The following BTBD10 variants were observed in gnomAD, a reference collection of about 807,000 sequenced individuals.
BTBD10 encodes BTB domain containing 10, also known as BTB/POZ domain-containing protein 10.
A neutral mutation model predicts 53.2 loss-of-function variants in BTBD10; 21 were observed. The observed-to-expected ratio is 0.39, with a 90% CI of 0.28 to 0.57. The LOEUF (loss-of-function observed/expected upper bound fraction) is 0.57. BTBD10 is among the 20% of genes least tolerant of loss of function. The pLI, the probability that BTBD10 is intolerant of heterozygous loss-of-function variation, is 0.53. For synonymous variants in BTBD10, 149 were observed against 192.7 expected (o/e 0.77, Z 1.88); for missense variants, 360 against 594.7 (o/e 0.61, Z 4.10).
intron 1 of BTBD10, among the ~76,000 whole-genome samples, chr11:13,455,453 G>A (rs911626880): frequency 6.6e-6 from 1 of 152,084 alleles, no homozygotes; most frequent in African/African-American, 2.4e-5. Context: ...CTCAATAAAT[G>A]TTTGAAAATC....
intron 5 of BTBD10, among the ~76,000 whole-genome samples, chr11:13,414,572 T>C (rs957490798): frequency 6.6e-6 from 1 of 151,722 alleles, no homozygotes; most frequent in East Asian, 1.9e-4. Flanking sequence ...GAGAATGGCA[T>C]GAACCTGGGA....
Position 13,435,446 on chromosome 11 carries a change from C to T in BTBD10, c.101+9578G>A, listed in dbSNP as rs12283778. On this transcript the variant is annotated intron_variant, in intron 2 of 8. Coordinates refer to ENST00000278174, the MANE Select transcript of BTBD10 (RefSeq NM_032320.7). Reference sequence around the variant, plus strand: ...AAAGATATGAAGTACAAATACAAGACTCAGTTTTTAAAATATTTATCAAAT... The same window carrying T: ...AAAGATATGAAGTACAAATACAAGATTCAGTTTTTAAAATATTTATCAAAT... 6.2e-4 allele frequency among the ~76,000 whole-genome samples: 94 copies of T among 152,194 alleles called. 3 individuals carry two copies. Among genetic ancestry groups the T allele is most frequent in the African/African-American group, 2.2e-3 (90 of 41,522 alleles).
chr11:13,388,576 C>T lies in BTBD10; in HGVS notation c.*255G>A. On this transcript the variant is annotated 3_prime_UTR_variant, in exon 9 of 9. Transcript: ENST00000278174. Reference sequence around the variant, plus strand: ...AGCTGTGTGAAAAAGGACCATCCCCCATACAAAGAACCAATTTCACAAACC... The same window carrying T: ...AGCTGTGTGAAAAAGGACCATCCCCTATACAAAGAACCAATTTCACAAACC... The T allele has an allele frequency of 5.1e-6, 2 of 394,804 alleles. No individual in the cohort carries two copies. Among genetic ancestry groups the T allele is most frequent in the Non-Finnish European group, 9.2e-6 (2 of 217,828 alleles). The allele number at this position is 394,804 out of a possible 1,614,324, so 24.5% of individuals were successfully genotyped here. A position where few individuals can be genotyped will look rare whatever the true frequency, so the allele number is the denominator to read the frequency against.
chr11:13,413,972 T>C (rs1247608949), intron 5 of BTBD10, among the ~76,000 whole-genome samples: 1 of 152,226 alleles, frequency 6.6e-6, no homozygotes, highest in Non-Finnish European at 1.5e-5. Context: ...CATATGTATT[T>C]TCCTTCTACA....
At chr11:13,437,797 C>T (rs1413362552) in intron 2 of BTBD10, among the ~76,000 whole-genome samples, 2 of 152,168 alleles carry the variant, frequency 1.3e-5, no homozygotes, top group African/African-American at 2.4e-5. Context: ...AAATCTCCTA[C>T]CTGCTTCAAA....
chr11:13,421,594 A>C, intron 3 of BTBD10, 48 bp downstream of exon 3: 1 of 1,480,352 alleles, frequency 6.8e-7, no homozygotes, highest in Non-Finnish European at 9.3e-7. Flanking sequence ...TAAAAAGGTA[A>C]ATGCATGTTT....
chr11:13,436,512 G>C (rs1031357118), intron 2 of BTBD10, among the ~76,000 whole-genome samples: 1 of 152,170 alleles, frequency 6.6e-6, no homozygotes, highest in Admixed American at 6.5e-5. Flanking sequence ...TGGGCATTTA[G>C]AACAATACTG....
chr11:13,429,444 C>A (rs1191813803), intron 2 of BTBD10, among the ~76,000 whole-genome samples: 1 of 152,058 alleles, frequency 6.6e-6, no homozygotes, highest in African/African-American at 2.4e-5. Flanking sequence ...ATGACAGGCA[C>A]ATAGATCAAT....
In BTBD10 at chr11:13,403,193, A is replaced by T; in HGVS notation, c.1092T>A (p.Leu364=). 1 of 1,537,746 alleles carries T rather than the reference A, an allele frequency of 6.5e-7. No individual in the cohort carries two copies. Among genetic ancestry groups the T allele is most frequent in the Non-Finnish European group, 8.7e-7 (1 of 1,143,672 alleles). Residue 364 remains leucine (L), a synonymous_variant, in exon 8 of 9, where the codon CTT becomes CTA. Transcript: ENST00000278174. ...CTTCTATTCCCAATCTAATCTTCTT[A>T]AGACCCCTCTCCTTCAAAACTGACT... is the stretch of plus-strand genomic sequence containing the variant. The part of the protein sequence containing the change: ...VAKSVLKERG[L]KKIRLGIEGY...
In BTBD10 at chr11:13,461,530, TCCC is replaced by T. The variant is rs1951096550; in HGVS notation, c.-58+1559_-58+1561del. Among the ~76,000 whole-genome samples, 6 of 152,272 alleles carry T rather than the reference TCCC, an allele frequency of 3.9e-5. No individual in the cohort carries two copies. The South Asian group carries it at 1.2e-3, about 32-fold the overall frequency. ...ATATTTTCCATATCACTTCCATACT[TCCC>T]TAAGTCACCTATTATAAAAAGCCAA... is the stretch of plus-strand genomic sequence containing the variant. On this transcript the variant is annotated intron_variant, in intron 1 of 8. Transcript: ENST00000278174.
chr11:13,413,439 G>A (rs1950011839), intron 6 of BTBD10, 91 bp downstream of exon 6: 1 of 1,119,730 alleles, frequency 8.9e-7, no homozygotes, highest in Non-Finnish European at 1.2e-6. Flanking sequence ...AATACTTTAA[G>A]TCTAACTAGG....
At chr11:13,417,288 G>T in intron 4 of BTBD10, 28 bp from the exon 5 acceptor site, 1 of 1,484,872 alleles carries the variant, frequency 6.7e-7, no homozygotes, top group South Asian at 1.2e-5. Context: ...TGAGAAATAC[G>T]TCAATAGAAT....
chr11:13,453,218 AAAGC>A (rs1445031761), intron 1 of BTBD10, among the ~76,000 whole-genome samples: 2 of 152,158 alleles, frequency 1.3e-5, no homozygotes, highest in African/African-American at 4.8e-5. Flanking sequence ...GTTAAGCTAA[AAAGC>A]AAGACACAGA....
At chr11:13,444,399 T>A (rs1950717888) in intron 2 of BTBD10, among the ~76,000 whole-genome samples, 1 of 152,148 alleles carries the variant, frequency 6.6e-6, no homozygotes. Flanking sequence ...TCAATTAACA[T>A]CTTAAAATTT....
Position 13,439,881 on chromosome 11 carries a change from C to T in BTBD10, c.101+5143G>A, listed in dbSNP as rs1354946017. ...AGATATCATGTAATAAATGAATACACACCTTCCTTTAGTATATGCCAAGGT... is the reference window on the plus strand; with the variant it reads ...AGATATCATGTAATAAATGAATACATACCTTCCTTTAGTATATGCCAAGGT... On this transcript the variant is annotated intron_variant, in intron 2 of 8. Transcript: ENST00000278174. The T allele has an allele frequency of 5.9e-6, 9 of 1,523,052 alleles. No homozygotes were observed. The East Asian group carries it at 9.8e-5, about 17-fold the overall frequency. 94.3% of individuals were successfully genotyped at this position (1,523,052 alleles called of 1,614,324 possible). A position where few individuals can be genotyped will look rare whatever the true frequency, so the allele number is the denominator to read the frequency against.
chr11:13,442,617 C>T (rs1278439000), intron 2 of BTBD10, among the ~76,000 whole-genome samples: 1 of 152,110 alleles, frequency 6.6e-6, no homozygotes, highest in African/African-American at 2.4e-5. Flanking sequence ...TCATTTTCAC[C>T]TACTCAAGCT....
intron 8 of BTBD10, among the ~76,000 whole-genome samples, chr11:13,399,675 G>A (rs1949660012): frequency 6.6e-6 from 1 of 152,116 alleles, no homozygotes. Flanking sequence ...CATCTTTGTG[G>A]TTTTATCTAC....
intron 1 of BTBD10, among the ~76,000 whole-genome samples, chr11:13,447,631 T>C (rs1165436636): frequency 2.6e-5 from 4 of 152,204 alleles, no homozygotes; most frequent in African/African-American, 4.8e-5. Flanking sequence ...AATTCCCATG[T>C]GTTTTCCTAA....
At chr11:13,445,217 T>G in intron 1 of BTBD10, 36 bp from the exon 2 acceptor site, 1 of 779,292 alleles carries the variant, frequency 1.3e-6, no homozygotes, top group Non-Finnish European at 2.2e-6. Context: ...TTAAATCTAT[T>G]CCACGCAGAA....
Sources: gnomAD v4.1 joint callset for allele counts (sites outside exome capture counted in the v4.1 genomes callset) on GRCh38, gnomAD v4.1.1 for gene constraint, MANE v1.5 for transcripts, NCBI Gene and HGNC (gene_info 2026-07-23, HGNC 2026-07-21) for gene names.